Variants in FSIP1 observed in about 807,000 individuals in gnomAD.
FSIP1 encodes the protein fibrous sheath interacting protein 1, also known as fibrous sheath-interacting protein 1.
Under a neutral mutation model 60.9 loss-of-function variants are expected in FSIP1, and 65 were observed. The ratio of observed to expected loss-of-function variants is 1.07; its 90% CI spans 0.87 to 1.31. The LOEUF (loss-of-function observed/expected upper bound fraction) is 1.31, where lower values mean the gene tolerates loss of function less well. Among genes scored for constraint, FSIP1 ranks in the 40% most tolerant of loss-of-function variants. The probability of loss-of-function intolerance (pLI) is 0.00; values close to 1 mark genes in which losing one functional copy is unlikely to be tolerated. For synonymous variants in FSIP1, 209 were observed against 221.2 expected, an observed-to-expected ratio of 0.94 and a Z score of 0.49; for missense variants, 675 against 665.5, an observed-to-expected ratio of 1.01 and a Z score of -0.16.
chr15:39,720,451 A>G (rs2140573429), intron 9 of FSIP1, among the ~76,000 whole-genome samples: 1 of 152,364 alleles, frequency 6.6e-6, no homozygotes. Context: ...TTAAGAACAC[A>G]GCAATGCCTC....
In FSIP1 at chr15:39,617,894, T is replaced by C. The variant is rs1473009105; in HGVS notation, c.1540A>G (p.Ile514Val). The C allele has an allele frequency of 2.5e-6, 4 of 1,614,172 alleles. No homozygotes were observed. The South Asian group carries it at 3.3e-5, about 13-fold the overall frequency. The part of the protein sequence containing the change: ...MKCLQFSKDV[I>V]ISDTKDYFMS... The stretch of plus-strand genomic sequence containing the variant: ...AAATAGTCTTTTGTGTCACTAATAA[T>C]AACGTCCTTGGAAAATTGAAGGCAT... The change falls in exon 11 of 12, where the codon ATT becomes GTT. Residue 514 changes from isoleucine to valine, a missense_variant. By Grantham distance (29) the Ile-to-Val change is conservative. Coordinates refer to ENST00000350221, the MANE Select transcript of FSIP1 (RefSeq NM_152597.5).
chr15:39,729,110 G>A (rs1896309670), intron 8 of FSIP1, among the ~76,000 whole-genome samples: 1 of 152,198 alleles, frequency 6.6e-6, no homozygotes, highest in Admixed American at 6.5e-5. Context: ...TGGCAAAGCT[G>A]CAGAGAAAAA....
intron 10 of FSIP1, among the ~76,000 whole-genome samples, chr15:39,645,745 C>T (rs1431234726): frequency 6.6e-6 from 1 of 152,250 alleles, no homozygotes; most frequent in African/African-American, 2.4e-5. Flanking sequence ...TTCCCTGCCC[C>T]TGTCCCTGAA....
intron 10 of FSIP1, among the ~76,000 whole-genome samples, chr15:39,657,967 G>A (rs776839448): frequency 6.6e-6 from 1 of 152,124 alleles, no homozygotes; most frequent in African/African-American, 2.4e-5. Context: ...ATATAGTAGG[G>A]CCTGTGATGG....
intron 8 of FSIP1, among the ~76,000 whole-genome samples, chr15:39,734,956 C>T (rs773444850): frequency 6.6e-6 from 1 of 151,946 alleles, no homozygotes; most frequent in African/African-American, 2.4e-5. Flanking sequence ...TAAATACTAA[C>T]AAAAATAATA....
chr15:39,670,268 A>G lies in FSIP1; in HGVS notation c.1188+43176T>C, dbSNP rs957370158. On this transcript the variant is annotated intron_variant, in intron 10 of 11. Transcript: ENST00000350221. ...AAATATTATTTAGTGAGCACCAACT[A>G]TGTGCCAGTCAATGTCTGGGTAGGC... Among the ~76,000 whole-genome samples the G allele has an allele frequency of 2.0e-5, 3 of 152,176 alleles. No individual in the cohort carries two copies. The East Asian group carries it at 5.8e-4, about 29-fold the overall frequency.
At chr15:39,688,286 C>A (rs765713170) in intron 10 of FSIP1, among the ~76,000 whole-genome samples, 27 of 152,104 alleles carry the variant, frequency 1.8e-4, no homozygotes, top group Non-Finnish European at 3.5e-4. Context: ...TACAGTAAGC[C>A]AAAAATCCAT....
At chr15:39,731,595 A>T (rs928080484) in intron 8 of FSIP1, among the ~76,000 whole-genome samples, 2 of 152,008 alleles carry the variant, frequency 1.3e-5, no homozygotes, top group Non-Finnish European at 2.9e-5. Flanking sequence ...CAGAAATAAG[A>T]TATATGTAAA....
chr15:39,610,856 C>A (rs1159036177), intron 11 of FSIP1, among the ~76,000 whole-genome samples: 1 of 152,046 alleles, frequency 6.6e-6, no homozygotes, highest in Non-Finnish European at 1.5e-5. Flanking sequence ...AACTGGCAAC[C>A]AAGAATACTT....
chr15:39,717,751 G>A (rs971085194), intron 9 of FSIP1, among the ~76,000 whole-genome samples: 9 of 152,130 alleles, frequency 5.9e-5, no homozygotes, highest in African/African-American at 2.2e-4. Context: ...AGCAAGAAAC[G>A]TGCCCAGCCA....
intron 10 of FSIP1, among the ~76,000 whole-genome samples, chr15:39,669,680 T>C (rs1414202779): frequency 6.6e-6 from 1 of 152,226 alleles, no homozygotes; most frequent in Non-Finnish European, 1.5e-5. Context: ...AAGAAAGTTA[T>C]GAGGCTAAAA....
chr15:39,746,756 C>T (rs541812851), intron 5 of FSIP1, among the ~76,000 whole-genome samples: 29 of 151,554 alleles, frequency 1.9e-4, no homozygotes, highest in Admixed American at 5.3e-4. Context: ...ATTTGTGAAA[C>T]TAGAGGAGTA....
chr15:39,611,050 A>G (rs1432651753), intron 11 of FSIP1, among the ~76,000 whole-genome samples: 23 of 152,254 alleles, frequency 1.5e-4, no homozygotes, highest in Admixed American at 1.5e-3. Context: ...TAAATGGTGT[A>G]AGTAAGACAT....
At chr15:39,743,982 TC>T (rs1346946796) in intron 5 of FSIP1, among the ~76,000 whole-genome samples, 1 of 152,244 alleles carries the variant, frequency 6.6e-6, no homozygotes, top group Non-Finnish European at 1.5e-5. Flanking sequence ...CTGAGATTTT[TC>T]TTTTGCTATA....
chr15:39,738,421 T>C (rs1896692930), intron 7 of FSIP1, among the ~76,000 whole-genome samples: 1 of 152,182 alleles, frequency 6.6e-6, no homozygotes. Context: ...GGCCCTGCTG[T>C]TAACCACTCC....
At chr15:39,641,395 A>G (rs2411313) in intron 10 of FSIP1, among the ~76,000 whole-genome samples, 22,706 of 152,116 alleles carry the variant, frequency 0.15, 1,911 homozygotes, top group East Asian at 0.32. Context: ...AATTTCACCA[A>G]TGGGTAAAAA....
chr15:39,706,438 G>C (rs1895273772), intron 10 of FSIP1, among the ~76,000 whole-genome samples: 1 of 152,126 alleles, frequency 6.6e-6, no homozygotes, highest in African/African-American at 2.4e-5. Flanking sequence ...GTCTGAATAT[G>C]AATTTTAATT....
chr15:39,672,496 C>A (rs557785600), intron 10 of FSIP1, among the ~76,000 whole-genome samples: 1 of 152,102 alleles, frequency 6.6e-6, no homozygotes, highest in East Asian at 1.9e-4. Flanking sequence ...TTTGGCACTG[C>A]GGTTCTTTAT....
At chr15:39,717,413 C>A (rs1327009198) in intron 9 of FSIP1, among the ~76,000 whole-genome samples, 1 of 152,084 alleles carries the variant, frequency 6.6e-6, no homozygotes, top group African/African-American at 2.4e-5. Context: ...ATTTTTTCCC[C>A]TTCCCCTAAT....
Sources: allele counts gnomAD v4.1 joint callset (sites outside exome capture counted in the v4.1 genomes callset), GRCh38; gene constraint gnomAD v4.1.1; transcripts MANE v1.5; gene names NCBI Gene and HGNC (gene_info 2026-07-23, HGNC 2026-07-21).